UCK2: variants seen among roughly 807,000 people sequenced by gnomAD.
UCK2 encodes the protein cytidine monophosphokinase 2.
A neutral mutation model predicts 30.8 loss-of-function variants in UCK2; 6 were observed. The ratio of observed to expected loss-of-function variants is 0.19; its 90% CI spans 0.11 to 0.38. UCK2 has a LOEUF of 0.38. UCK2 is among the 10% of genes least tolerant of loss of function. The pLI is 1.00. For synonymous variants in UCK2, 125 were observed against 133.6 expected (o/e 0.94, Z 0.45); for missense variants, 210 against 339.8 (o/e 0.62, Z 3.00).
intron 1 of UCK2, among the ~76,000 whole-genome samples, chr1:165,872,606 C>T (rs1412564275): frequency 6.6e-6 from 1 of 152,156 alleles, no homozygotes; most frequent in Non-Finnish European, 1.5e-5. Context: ...TATATCCATA[C>T]ATTAAGTTCA....
chr1:165,848,455 A>G (rs1654505013), intron 1 of UCK2, among the ~76,000 whole-genome samples: 1 of 152,176 alleles, frequency 6.6e-6, no homozygotes, highest in Non-Finnish European at 1.5e-5. Context: ...AACATGGTGA[A>G]AACCCATCTC....
rs754998594 is a variant in UCK2 at position 165,911,313 on chromosome 1, A to G, written c.*3490A>G. ...AAGGAAGGGAACTGTCTGGCAAAGCATAAGTGGATGCATCCAGAGCTCAGT... is the reference window on the plus strand; with the variant it reads ...AAGGAAGGGAACTGTCTGGCAAAGCGTAAGTGGATGCATCCAGAGCTCAGT... On this transcript the variant is annotated 3_prime_UTR_variant, in exon 7 of 7. Coordinates refer to ENST00000367879, the MANE Select transcript of UCK2 (RefSeq NM_012474.5). 6.6e-6 allele frequency: 1 copy of G among 152,250 alleles called. No homozygotes were observed. The highest frequency in any genetic ancestry group is 1.5e-5 in the Non-Finnish European group (1 of 68,088). 9.4% of individuals were successfully genotyped at this position (152,250 alleles called of 1,614,324 possible).
chr1:165,881,569 C>G (rs1392514722), intron 1 of UCK2, among the ~76,000 whole-genome samples: 3 of 152,206 alleles, frequency 2.0e-5, no homozygotes, highest in Non-Finnish European at 4.4e-5. Context: ...TAATCTGCTT[C>G]TCTGACTCAG....
At chr1:165,839,660 G>A (rs1654276094) in intron 1 of UCK2, among the ~76,000 whole-genome samples, 1 of 152,168 alleles carries the variant, frequency 6.6e-6, no homozygotes, top group South Asian at 2.1e-4. Flanking sequence ...TTGATGGAGT[G>A]GAGAACGTGC....
At position 165,827,708 on chromosome 1, in the gene UCK2, C is replaced by A; in HGVS notation, c.-126C>A. The A allele has an allele frequency of 1.2e-6, 1 of 843,064 alleles. No individual in the cohort carries two copies. Among genetic ancestry groups the A allele is most frequent in the Non-Finnish European group, 1.6e-6 (1 of 624,518 alleles). 52.2% of individuals were successfully genotyped at this position (843,064 alleles called of 1,614,324 possible). ...GGGCTCCGAGCGGCTCGCAGGCGAG[C>A]GACAGCGGCCTCAGCCCCGGCAGCG... On this transcript the variant is annotated 5_prime_UTR_variant, in exon 1 of 7. Coordinates refer to ENST00000367879, the MANE Select transcript of UCK2 (RefSeq NM_012474.5).
intron 1 of UCK2, among the ~76,000 whole-genome samples, chr1:165,851,691 C>T (rs1654600315): frequency 6.6e-6 from 1 of 151,852 alleles, no homozygotes; most frequent in Non-Finnish European, 1.5e-5. Flanking sequence ...TATAGATATA[C>T]GTGTGCCATG....
intron 1 of UCK2, among the ~76,000 whole-genome samples, chr1:165,843,957 A>G (rs961305421): frequency 6.6e-6 from 1 of 152,196 alleles, no homozygotes; most frequent in Non-Finnish European, 1.5e-5. Context: ...TTCTTTTGGT[A>G]ATAGCTAATA....
intron 4 of UCK2, among the ~76,000 whole-genome samples, chr1:165,898,412 A>C (rs923518706): frequency 1.3e-5 from 2 of 152,232 alleles, no homozygotes; most frequent in Non-Finnish European, 2.9e-5. Context: ...TATGTGGCAG[A>C]TCAGAAATCT....
intron 1 of UCK2, among the ~76,000 whole-genome samples, chr1:165,879,718 A>G (rs979228834): frequency 3.3e-5 from 5 of 151,684 alleles, no homozygotes; most frequent in African/African-American, 1.2e-4. Context: ...GGGGCCCTGG[A>G]GATGGTAGTG....
chr1:165,848,488 C>T (rs951628566), intron 1 of UCK2, among the ~76,000 whole-genome samples: 10 of 152,012 alleles, frequency 6.6e-5, no homozygotes, highest in South Asian at 4.1e-4. Context: ...AAAAATTAGC[C>T]GGGTATATTG....
chr1:165,899,330 G>C (rs1394365109), intron 4 of UCK2, among the ~76,000 whole-genome samples: 3 of 152,172 alleles, frequency 2.0e-5, no homozygotes, highest in Non-Finnish European at 2.9e-5. Flanking sequence ...GGACAGGGAG[G>C]AGGTGGGGCA....
chr1:165,897,104 G>C (rs1193161751), intron 4 of UCK2, among the ~76,000 whole-genome samples: 1 of 152,210 alleles, frequency 6.6e-6, no homozygotes, highest in Non-Finnish European at 1.5e-5. Context: ...TGTACAGACA[G>C]TGGCTTGTTC....
intron 1 of UCK2, among the ~76,000 whole-genome samples, chr1:165,845,565 AT>A (rs1406660261): frequency 1.3e-5 from 2 of 152,220 alleles, no homozygotes; most frequent in African/African-American, 2.4e-5. Context: ...CATCAGCTAA[AT>A]ATCAGTCTCC....
At chr1:165,854,609 A>G (rs1470247947) in intron 1 of UCK2, among the ~76,000 whole-genome samples, 2 of 148,536 alleles carry the variant, frequency 1.3e-5, no homozygotes, top group Non-Finnish European at 3.0e-5. Context: ...AAATAAATAA[A>G]TAAATAAATA....
chr1:165,833,902 C>T (rs1654118607), intron 1 of UCK2, among the ~76,000 whole-genome samples: 1 of 152,020 alleles, frequency 6.6e-6, no homozygotes, highest in African/African-American at 2.4e-5. Flanking sequence ...AGCATTCGAT[C>T]TTTTCATCAT....
At chr1:165,882,215 C>T (rs1179880708) in intron 1 of UCK2, among the ~76,000 whole-genome samples, 1 of 152,076 alleles carries the variant, frequency 6.6e-6, no homozygotes, top group Non-Finnish European at 1.5e-5. Context: ...TGTTCATCAC[C>T]CTACCCTTTA....
At chr1:165,896,407 AC>A in intron 4 of UCK2, 75 bp downstream of exon 4, 1 of 1,555,596 alleles carries the variant, frequency 6.4e-7, no homozygotes, top group Non-Finnish European at 8.8e-7. Flanking sequence ...CTGTGACAGG[AC>A]CCCACCCGCC....
intron 1 of UCK2, among the ~76,000 whole-genome samples, chr1:165,859,539 G>C (rs186563921): frequency 6.6e-6 from 1 of 152,324 alleles, no homozygotes; most frequent in Admixed American, 6.5e-5. Flanking sequence ...AGATCAGTGG[G>C]GCCGGGAGCT....
At chr1:165,888,029 G>A (rs12080047) in intron 1 of UCK2, among the ~76,000 whole-genome samples, 8 of 152,156 alleles carry the variant, frequency 5.3e-5, no homozygotes, top group African/African-American at 7.2e-5. Flanking sequence ...TTACTTAGTC[G>A]TGTGTCACAG....
Sources: allele counts gnomAD v4.1 joint callset (sites outside exome capture counted in the v4.1 genomes callset), GRCh38; gene constraint gnomAD v4.1.1; transcripts MANE v1.5; gene names NCBI Gene and HGNC (gene_info 2026-07-23, HGNC 2026-07-21).